The following DCAF5 variants were observed in gnomAD, a reference collection of about 807,000 sequenced individuals.
The protein encoded by DCAF5 is DDB1 and CUL4 associated factor 5.
A neutral mutation model predicts 80.7 loss-of-function variants in DCAF5; 9 were observed. The observed-to-expected ratio is 0.11, with a 90% confidence interval of 0.07 to 0.19. The LOEUF is 0.19. Ranked by LOEUF, DCAF5 falls within the 10% of genes least tolerant of loss-of-function variation. DCAF5 has a pLI of 1.00. For synonymous variants in DCAF5, 433 were observed against 461.9 expected (o/e 0.94, Z 0.80); for missense variants, 842 against 1,205.7 (o/e 0.70, Z 4.47).
At chr14:69,090,878 T>A (rs2039508364) in intron 6 of DCAF5, 3 of 548,012 alleles carry the variant, frequency 5.5e-6, no homozygotes, top group Non-Finnish European at 6.5e-6. Context: ...GCAATAAGAT[T>A]TGTTGTGCTT....
intron 8 of DCAF5, among the ~76,000 whole-genome samples, chr14:69,057,066 T>TA (rs2038004615): frequency 1.3e-5 from 2 of 152,198 alleles, no homozygotes; most frequent in Admixed American, 1.3e-4. Flanking sequence ...GTCCCACTCT[T>TA]AGAGGTTCTG....
Position 69,085,007 on chromosome 14 carries a change from A to G in DCAF5, c.879+6667T>C. The G allele has an allele frequency of 4.4e-6, 6 of 1,367,260 alleles. No individual in the cohort carries two copies. In the South Asian group the frequency reaches 7.0e-5, roughly 16 times the overall value. The allele number at this position is 1,367,260 out of a possible 1,614,324, so 84.7% of individuals were successfully genotyped here. A position where few individuals can be genotyped will look rare whatever the true frequency, so the allele number is the denominator to read the frequency against. Reference sequence around the variant, plus strand: ...TGGGTTTTCTTCACTACCTGAAATGATCCAAGGTTCCATTAAGTGAATTTG... The same window carrying G: ...TGGGTTTTCTTCACTACCTGAAATGGTCCAAGGTTCCATTAAGTGAATTTG... On this transcript the variant is annotated intron_variant, in intron 6 of 8. Coordinates refer to ENST00000341516, the MANE Select transcript of DCAF5 (RefSeq NM_003861.3).
chr14:69,091,952 G>A, intron 5 of DCAF5, 65 bp from the exon 6 acceptor site: 3 of 1,383,298 alleles, frequency 2.2e-6, no homozygotes, highest in Non-Finnish European at 2.0e-6. Flanking sequence ...AAAAACACAT[G>A]TTTGCCTATG....
intron 1 of DCAF5, among the ~76,000 whole-genome samples, chr14:69,145,681 T>C (rs2041515004): frequency 1.3e-5 from 2 of 152,152 alleles, no homozygotes; most frequent in South Asian, 2.1e-4. Flanking sequence ...TTTTAAACAA[T>C]GTGAGGCAAC....
chr14:69,084,147 T>G (rs2039226117), intron 6 of DCAF5: 1 of 862,238 alleles, frequency 1.2e-6, no homozygotes, highest in African/African-American at 1.7e-5. Flanking sequence ...GTCCTTATTC[T>G]CTCACCTACT....
chr14:69,062,465 C>A lies in DCAF5; in HGVS notation c.993G>T (p.Gly331=), dbSNP rs774304517. 1 of 1,613,722 alleles carries A rather than the reference C, an allele frequency of 6.2e-7. No individual in the cohort carries two copies. Among genetic ancestry groups the A allele is most frequent in the African/African-American group, 1.3e-5 (1 of 75,008 alleles). ...GGACTTGGTTAACAATAGATCGATG[C>A]CCTTTCAGCACCATGAAGGCTCCGT... ...VVNGAFMVLK[G]HRSIVNQVRF... is the part of the protein sequence containing the mutation. Residue 331 remains glycine (G), a synonymous_variant, in exon 8 of 9, where the codon GGG becomes GGT. Coordinates refer to ENST00000341516, the MANE Select transcript of DCAF5 (RefSeq NM_003861.3).
chr14:69,090,750 T>C (rs1460913144), intron 6 of DCAF5: 1 of 190,796 alleles, frequency 5.2e-6, no homozygotes, highest in African/African-American at 2.3e-5. Flanking sequence ...TCTAAAGAGG[T>C]GGGGTACAGC....
chr14:69,135,000 T>C (rs1276793685), intron 1 of DCAF5, among the ~76,000 whole-genome samples: 1 of 152,186 alleles, frequency 6.6e-6, no homozygotes, highest in Admixed American at 6.5e-5. Flanking sequence ...AGGATTGTGA[T>C]AAAAGCAAAA....
In DCAF5 at chr14:69,054,215, C is replaced by G; in HGVS notation, c.2471G>C (p.Ser824Thr). 2.5e-6 allele frequency: 4 copies of G among 1,614,244 alleles called. No homozygotes were observed. The highest frequency in any genetic ancestry group is 3.4e-6 in the Non-Finnish European group (4 of 1,180,050). ...GTGGTTGGCACAGATGGTTTCGAGGCTCCTCTCCTCACTGTCATCAGACTG... is the reference window on the plus strand; with the variant it reads ...GTGGTTGGCACAGATGGTTTCGAGGGTCCTCTCCTCACTGTCATCAGACTG... ...RTQSDDSEERSLETICANHNN... is the reference protein window; with the variant it reads ...RTQSDDSEERTLETICANHNN... Residue 824 changes from serine to threonine, a missense_variant, in exon 9 of 9, where the codon AGC becomes ACC. This residue lies in a region of DCAF5 where 607 missense variants were observed against 656.6 expected (regional missense o/e 0.92). Coordinates refer to ENST00000341516, the MANE Select transcript of DCAF5 (RefSeq NM_003861.3).
intron 6 of DCAF5, among the ~76,000 whole-genome samples, chr14:69,078,290 T>C (rs1448049588): frequency 6.6e-6 from 1 of 152,164 alleles, no homozygotes; most frequent in African/African-American, 2.4e-5. Flanking sequence ...AAAAAGATGT[T>C]CAACATCACT....
intron 5 of DCAF5, among the ~76,000 whole-genome samples, chr14:69,099,251 A>AACACACACACACACACAC (rs60913200): frequency 6.4e-5 from 8 of 124,350 alleles, no homozygotes; most frequent in African/African-American, 1.8e-4. Context: ...ACTCTGTCTC[A>AACACACACACACACACAC]ACACACACAC....
chr14:69,092,323 G>C (rs1447678515), intron 5 of DCAF5, among the ~76,000 whole-genome samples: 1 of 152,150 alleles, frequency 6.6e-6, no homozygotes, highest in African/African-American at 2.4e-5. Context: ...AGAACCATCA[G>C]TAAAAACAAT....
At position 69,055,387 on chromosome 14, in the gene DCAF5, G is replaced by A; in HGVS notation, c.1299C>T (p.Asp433=). The change falls in exon 9 of 9, where the codon GAC becomes GAT. Residue 433 remains aspartate (D), a synonymous_variant. Coordinates refer to ENST00000341516, the MANE Select transcript of DCAF5 (RefSeq NM_003861.3). The surrounding 1 kb of genome is among the most constrained non-coding windows in gnomAD (Gnocchi z 5.6). ...VRREIEGWSS[D]SDSDLSESTI... is the part of the protein sequence containing the mutation. ...TACTCTCACTGAGGTCACTGTCTGA[G>A]TCAGAGCTCCAGCCCTCGATCTCTC... 6.2e-7 allele frequency: 1 copy of A among 1,614,200 alleles called. No homozygotes were observed. The highest frequency in any genetic ancestry group is 8.5e-7 in the Non-Finnish European group (1 of 1,180,046).
At chr14:69,144,939 AT>A (rs1446862913) in intron 1 of DCAF5, among the ~76,000 whole-genome samples, 1 of 152,124 alleles carries the variant, frequency 6.6e-6, no homozygotes, top group Non-Finnish European at 1.5e-5. Context: ...AAATCCTTCC[AT>A]TTCTCCGATC....
intron 1 of DCAF5, among the ~76,000 whole-genome samples, chr14:69,139,021 C>T (rs768045811): frequency 1.3e-5 from 2 of 151,728 alleles, no homozygotes; most frequent in Non-Finnish European, 2.9e-5. Context: ...TGTGATGGCA[C>T]GTGCTTGTAG....
chr14:69,085,230 T>C, intron 6 of DCAF5: 2 of 711,790 alleles, frequency 2.8e-6, no homozygotes, highest in Non-Finnish European at 5.3e-6. Flanking sequence ...TCAAGGTGCC[T>C]CCCTTTGTTG....
chr14:69,097,586 T>TTA (rs1566751184), intron 5 of DCAF5, among the ~76,000 whole-genome samples: 1 of 117,754 alleles, frequency 8.5e-6, no homozygotes, highest in Non-Finnish European at 1.8e-5. Context: ...ATTATTATTT[T>TTA]TTTTTTTTTT....
intron 1 of DCAF5, among the ~76,000 whole-genome samples, chr14:69,148,186 G>C (rs1258435869): frequency 1.3e-5 from 2 of 150,610 alleles, no homozygotes; most frequent in Admixed American, 1.3e-4. Flanking sequence ...GAGGCAATGA[G>C]AGCAATTTAG....
chr14:69,100,614 A>C (rs1330833875), intron 5 of DCAF5, among the ~76,000 whole-genome samples: 2 of 152,212 alleles, frequency 1.3e-5, no homozygotes, highest in African/African-American at 4.8e-5. Context: ...CTGAAACTAC[A>C]CTCAGTTTTA....
Sources: allele counts gnomAD v4.1 joint callset (sites outside exome capture counted in the v4.1 genomes callset), GRCh38; gene constraint gnomAD v4.1.1; regional missense constraint gnomAD v4.1.1; non-coding constraint Gnocchi (gnomAD v3.1); transcripts MANE v1.5; gene names NCBI Gene and HGNC (gene_info 2026-07-23, HGNC 2026-07-21).